GPC6: variants seen among roughly 807,000 people sequenced by gnomAD.
The protein encoded by GPC6 is glypican-6.
In GPC6, 14 loss-of-function variants were observed where a neutral mutation model predicts 55.2. That is an observed-to-expected ratio of 0.25 (90% CI 0.17 to 0.40). The LOEUF (loss-of-function observed/expected upper bound fraction) is 0.40. GPC6 is among the 10% of genes least tolerant of loss of function. The probability of loss-of-function intolerance (pLI) is 1.00; values close to 1 mark genes in which losing one functional copy is unlikely to be tolerated. For synonymous variants in GPC6, 278 were observed against 259.6 expected (o/e 1.07, Z -0.68); for missense variants, 641 against 708.5 (o/e 0.90, Z 1.08).
At chr13:94,211,023 C>A (rs937782329) in intron 4 of GPC6, among the ~76,000 whole-genome samples, 1 of 152,176 alleles carries the variant, frequency 6.6e-6, no homozygotes, top group East Asian at 1.9e-4. Context: ...TCTACTGTAG[C>A]TGAAACAGAC....
At chr13:93,747,937 A>G (rs1252086537) in intron 2 of GPC6, among the ~76,000 whole-genome samples, 2 of 152,134 alleles carry the variant, frequency 1.3e-5, no homozygotes, top group African/African-American at 2.4e-5. Flanking sequence ...TCTTATTCAC[A>G]TCTGTATTCA....
chr13:93,847,922 A>G (rs1888251725), intron 3 of GPC6, among the ~76,000 whole-genome samples: 1 of 152,116 alleles, frequency 6.6e-6, no homozygotes, highest in Non-Finnish European at 1.5e-5. Flanking sequence ...CTTTGGGCTT[A>G]TTTTATAATT....
intron 1 of GPC6, among the ~76,000 whole-genome samples, chr13:93,252,915 G>T (rs561314026): frequency 6.6e-6 from 1 of 152,338 alleles, no homozygotes; most frequent in Non-Finnish European, 1.5e-5. Context: ...TTCTTTGAAA[G>T]ATTGCAGCTG....
At chr13:94,138,283 C>G (rs1288109058) in intron 4 of GPC6, among the ~76,000 whole-genome samples, 1 of 152,176 alleles carries the variant, frequency 6.6e-6, no homozygotes, top group African/African-American at 2.4e-5. Flanking sequence ...CTAAGCACTT[C>G]AGATAAGGGA....
chr13:94,075,221 A>G (rs1265588737), intron 4 of GPC6, among the ~76,000 whole-genome samples: 1 of 152,190 alleles, frequency 6.6e-6, no homozygotes, highest in Non-Finnish European at 1.5e-5. Flanking sequence ...TGGTGTGTGT[A>G]TGTGTATGTG....
chr13:93,490,550 G>T (rs1879945545), intron 1 of GPC6, among the ~76,000 whole-genome samples: 1 of 90,794 alleles, frequency 1.1e-5, no homozygotes, highest in East Asian at 4.8e-4. Flanking sequence ...TTAAGTTTTA[G>T]GGTACATGTG....
chr13:94,145,722 C>T (rs565823788), intron 4 of GPC6, among the ~76,000 whole-genome samples: 9 of 152,216 alleles, frequency 5.9e-5, no homozygotes, highest in African/African-American at 9.6e-5. Flanking sequence ...CAAAGATGAG[C>T]GGACCCTAAG....
intron 3 of GPC6, among the ~76,000 whole-genome samples, chr13:94,024,301 T>C (rs974367410): frequency 6.6e-6 from 1 of 152,170 alleles, no homozygotes; most frequent in African/African-American, 2.4e-5. Flanking sequence ...TTTTTTAAAC[T>C]ATTTTTGAGC....
rs144713561 is a variant in GPC6 at position 94,070,169 on chromosome 13, G to A, written c.877+42275G>A. 1.8e-3 allele frequency among the ~76,000 whole-genome samples: 276 copies of A among 152,302 alleles called. 1 individual carries two copies. Among genetic ancestry groups the A allele is most frequent in the African/African-American group, 6.1e-3 (253 of 41,562 alleles). ...GCAAGTTACATCTTACAAGGATGGC[G>A]GCAGGCAAAGAGAGAGAGAGCTTGT... On this transcript the variant is annotated intron_variant, in intron 4 of 8. Coordinates refer to ENST00000377047, the MANE Select transcript of GPC6 (RefSeq NM_005708.5).
intron 2 of GPC6, among the ~76,000 whole-genome samples, chr13:93,787,803 TAAAC>T (rs1318975628): frequency 2.9e-5 from 4 of 136,234 alleles, no homozygotes; most frequent in African/African-American, 1.2e-4. Flanking sequence ...TTGTACCTGT[TAAAC>T]AACCTCTTTT....
At chr13:93,555,440 G>T (rs867118983) in intron 2 of GPC6, among the ~76,000 whole-genome samples, 1 of 152,160 alleles carries the variant, frequency 6.6e-6, no homozygotes, top group Middle Eastern at 3.4e-3. Context: ...AGTCTCAAGG[G>T]CACAGACCAG....
intron 2 of GPC6, among the ~76,000 whole-genome samples, chr13:93,752,820 A>G (rs140625372): frequency 3.4e-4 from 52 of 152,304 alleles, no homozygotes; most frequent in Admixed American, 1.2e-3. Flanking sequence ...GTGCTGAGGC[A>G]TGACTGAGCC....
At chr13:94,030,751 T>C (rs1883092400) in intron 4 of GPC6, among the ~76,000 whole-genome samples, 1 of 152,168 alleles carries the variant, frequency 6.6e-6, no homozygotes, top group Admixed American at 6.5e-5. Context: ...GTACATCTTA[T>C]AGATGTTTTT....
At chr13:93,462,876 C>T (rs1337680787) in intron 1 of GPC6, among the ~76,000 whole-genome samples, 1 of 152,072 alleles carries the variant, frequency 6.6e-6, no homozygotes, top group East Asian at 1.9e-4. Flanking sequence ...TGTGTCCTTC[C>T]TTTTCCCGTG....
intron 4 of GPC6, among the ~76,000 whole-genome samples, chr13:94,266,254 C>T (rs912236622): frequency 2.0e-5 from 3 of 151,758 alleles, no homozygotes; most frequent in South Asian, 2.1e-4. Flanking sequence ...CTGCAAGCTC[C>T]GCCTCCCGGG....
At chr13:93,295,409 C>T (rs1878459879) in intron 1 of GPC6, among the ~76,000 whole-genome samples, 1 of 151,188 alleles carries the variant, frequency 6.6e-6, no homozygotes, top group South Asian at 2.1e-4. Context: ...GGCTGGAAGT[C>T]TGAGATCAGG....
chr13:93,644,612 AT>A (rs2139590780), intron 2 of GPC6, among the ~76,000 whole-genome samples: 2 of 152,140 alleles, frequency 1.3e-5, no homozygotes, highest in South Asian at 4.1e-4. Context: ...GGATTACAGG[AT>A]TTTTAAATGA....
chr13:93,652,834 C>T (rs774291237), intron 2 of GPC6, among the ~76,000 whole-genome samples: 1 of 152,154 alleles, frequency 6.6e-6, no homozygotes, highest in Non-Finnish European at 1.5e-5. Flanking sequence ...TACATTTTGT[C>T]TATGTGTTAG....
intron 1 of GPC6, among the ~76,000 whole-genome samples, chr13:93,472,695 C>T (rs1333254333): frequency 6.6e-6 from 1 of 152,230 alleles, no homozygotes; most frequent in East Asian, 1.9e-4. Flanking sequence ...CTTCTTCTCT[C>T]CTCTCCTTCT....
Sources: allele counts gnomAD v4.1 joint callset (sites outside exome capture counted in the v4.1 genomes callset), GRCh38; gene constraint gnomAD v4.1.1; transcripts MANE v1.5; gene names NCBI Gene and HGNC (gene_info 2026-07-23, HGNC 2026-07-21).